The following MYO9A variants were observed in gnomAD, a reference collection of about 807,000 sequenced individuals.
The protein encoded by MYO9A is unconventional myosin-IXa.
MYO9A carries 103 observed loss-of-function variants against 293.3 expected under a neutral mutation model. That is an observed-to-expected ratio of 0.35 (90% CI 0.30 to 0.41). The LOEUF (loss-of-function observed/expected upper bound fraction) is 0.41, where lower values mean the gene tolerates loss of function less well. Ranked by LOEUF, MYO9A falls within the 10% of genes least tolerant of loss-of-function variation. The pLI is 1.00. For synonymous variants in MYO9A, 1,001 were observed against 1,035.7 expected, an observed-to-expected ratio of 0.97 and a Z score of 0.64; for missense variants, 2,685 against 3,033.0, an observed-to-expected ratio of 0.89 and a Z score of 2.69.
intron 1 of MYO9A, among the ~76,000 whole-genome samples, chr15:72,093,165 T>A (rs1307219954): frequency 1.3e-5 from 2 of 152,164 alleles, no homozygotes; most frequent in Admixed American, 1.3e-4. Flanking sequence ...AATAACTGCT[T>A]TCTAAAGTTT....
At chr15:71,849,430 CAAGAGT>C (rs2055537838) in intron 38 of MYO9A, among the ~76,000 whole-genome samples, 2 of 151,896 alleles carry the variant, frequency 1.3e-5, no homozygotes, top group East Asian at 3.9e-4. Context: ...GCCTAGGCGA[CAAGAGT>C]AAAACTCCAT....
At chr15:71,947,283 G>GA (rs33945561) in intron 15 of MYO9A, among the ~76,000 whole-genome samples, 3,212 of 127,852 alleles carry the variant, frequency 0.025, 78 homozygotes, top group East Asian at 0.036. Context: ...TCCATCTCAG[G>GA]AAAAAAAAAA....
Position 71,969,373 on chromosome 15 carries a change from A to C in MYO9A, c.1845-1248T>G, listed in dbSNP as rs1032568544. ...CTATTTCAAACAGAGACAACAGCAC[A>C]GCTCCTATAACAGTCTCACCAATCT... On this transcript the variant is annotated intron_variant, in intron 12 of 41. Transcript: ENST00000356056. Among the ~76,000 whole-genome samples, 3 of 152,372 alleles carry C rather than the reference A, an allele frequency of 2.0e-5. 1 individual carries two copies. The highest frequency in any genetic ancestry group is 6.8e-3 in the Middle Eastern group (2 of 294).
chr15:72,111,566 T>C (rs1423765727), intron 1 of MYO9A, among the ~76,000 whole-genome samples: 1 of 151,724 alleles, frequency 6.6e-6, no homozygotes, highest in Non-Finnish European at 1.5e-5. Context: ...GAGTACCTAC[T>C]ATATGCTTGG....
intron 32 of MYO9A, among the ~76,000 whole-genome samples, chr15:71,875,386 G>A (rs2142247655): frequency 6.6e-6 from 1 of 152,182 alleles, no homozygotes; most frequent in South Asian, 2.1e-4. Flanking sequence ...TTGTGTGATT[G>A]TATATAAACA....
chr15:71,904,158 T>C (rs917068199), intron 20 of MYO9A, 119 bp from the exon 21 acceptor site: 2 of 787,714 alleles, frequency 2.5e-6, no homozygotes, highest in East Asian at 2.7e-5. Flanking sequence ...CTGGTTAACA[T>C]ATACAGTAAC....
intron 12 of MYO9A, among the ~76,000 whole-genome samples, chr15:71,975,108 C>A (rs1256123968): frequency 1.3e-5 from 2 of 152,210 alleles, no homozygotes; most frequent in Non-Finnish European, 2.9e-5. Flanking sequence ...TCTGACAAGA[C>A]TGAAAGGAAG....
chr15:72,086,577 G>T (rs527639623), intron 1 of MYO9A, among the ~76,000 whole-genome samples: 2 of 151,914 alleles, frequency 1.3e-5, no homozygotes, highest in African/African-American at 4.8e-5. Flanking sequence ...ACGTGCACAC[G>T]TGCTGGCGAG....
intron 1 of MYO9A, among the ~76,000 whole-genome samples, chr15:72,066,432 G>C (rs2079024344): frequency 6.7e-6 from 1 of 149,502 alleles, no homozygotes. Context: ...GTTGCAGTGA[G>C]CAGAGATCAC....
chr15:71,885,344 AAAT>A lies in MYO9A; in HGVS notation c.5256-1611_5256-1609del, dbSNP rs1227508165. On this transcript the variant is annotated intron_variant, in intron 27 of 41. Coordinates refer to ENST00000356056, the MANE Select transcript of MYO9A (RefSeq NM_006901.4). ...TCACAGTTGAGGGATGTAATTCCCT[AAAT>A]AATCTACTTTATTCTAGAGGATTTT... Among the ~76,000 whole-genome samples, 3 of 152,266 alleles carry A rather than the reference AAAT, an allele frequency of 2.0e-5. No homozygotes were observed. The East Asian group carries it at 5.8e-4, about 29-fold the overall frequency.
At position 71,978,248 on chromosome 15, in the gene MYO9A, G is replaced by A; in HGVS notation, c.1767C>T (p.Tyr589=). ...TEGISWHNID[Y]IDNTCCINLI... ...GATTTATGCAGCAGGTATTATCAAT[G>A]TAATCTATGTTGTGCCAGCTGATAC... Residue 589 remains tyrosine, a synonymous_variant, in exon 12 of 42, where the codon TAC becomes TAT. Coordinates refer to ENST00000356056, the MANE Select transcript of MYO9A (RefSeq NM_006901.4). 6.2e-7 allele frequency: 1 copy of A among 1,612,418 alleles called. No homozygotes were observed. The highest frequency in any genetic ancestry group is 8.5e-7 in the Non-Finnish European group (1 of 1,179,044).
intron 6 of MYO9A, among the ~76,000 whole-genome samples, chr15:72,013,515 G>A (rs1257237501): frequency 1.3e-5 from 2 of 152,214 alleles, no homozygotes; most frequent in Non-Finnish European, 2.9e-5. Context: ...TCCACTGAAA[G>A]AACATAGGCA....
chr15:71,966,684 C>T (rs1216758436), intron 13 of MYO9A, among the ~76,000 whole-genome samples: 1 of 152,162 alleles, frequency 6.6e-6, no homozygotes, highest in African/African-American at 2.4e-5. Flanking sequence ...CCAACCTCTA[C>T]TGCCACTCCA....
At chr15:72,023,560 T>TATTACA (rs2077567750) in intron 4 of MYO9A, among the ~76,000 whole-genome samples, 1 of 151,810 alleles carries the variant, frequency 6.6e-6, no homozygotes, top group Non-Finnish European at 1.5e-5. Flanking sequence ...CTGGGCATGG[T>TATTACA]GGCAGGCACC....
chr15:71,897,171 G>C, intron 25 of MYO9A: 1 of 293,040 alleles, frequency 3.4e-6, no homozygotes, highest in Non-Finnish European at 6.4e-6. Flanking sequence ...AGTATTCGGT[G>C]AATGCCTACT....
chr15:72,053,288 C>T (rs2078624817), intron 1 of MYO9A, among the ~76,000 whole-genome samples: 2 of 151,996 alleles, frequency 1.3e-5, no homozygotes, highest in Admixed American at 1.3e-4. Flanking sequence ...TGCCTGTAAT[C>T]CCAGCTACTC....
In MYO9A at chr15:71,898,536, C is replaced by A; in HGVS notation, c.3967G>T (p.Asp1323Tyr). The change falls in exon 25 of 42, where the codon GAT (aspartate) becomes TAT (tyrosine). Residue 1323 changes from aspartate to tyrosine, a missense_variant. Around this residue, in one of 10 missense-constraint regions of MYO9A, gnomAD observed 1,434 missense variants for 1,497.7 expected, o/e 0.96. Transcript: ENST00000356056. Reference protein sequence around the residue: ...EGLQSPRGTPDSESSQGSLEL... With the variant: ...EGLQSPRGTPYSESSQGSLEL... ...AAGCTTCCTTGAGAGCTCTCACTAT[C>A]AGGTGTACCCCGTGGAGACTGAAGG... is the stretch of plus-strand genomic sequence containing the variant. 6.2e-7 allele frequency: 1 copy of A among 1,614,048 alleles called. No individual in the cohort carries two copies.
intron 18 of MYO9A, among the ~76,000 whole-genome samples, chr15:71,928,872 AAC>A (rs1355112359): frequency 6.6e-6 from 1 of 150,812 alleles, no homozygotes; most frequent in South Asian, 2.1e-4. Context: ...CAGCCTGGGC[AAC>A]ACAGAGAAAG....
intron 25 of MYO9A, among the ~76,000 whole-genome samples, chr15:71,895,318 A>C (rs577911963): frequency 6.6e-6 from 1 of 152,214 alleles, no homozygotes; most frequent in Admixed American, 6.5e-5. Flanking sequence ...TAACCTTTTA[A>C]CTCACAACAT....
Sources: gnomAD v4.1 joint callset for allele counts (sites outside exome capture counted in the v4.1 genomes callset) on GRCh38, gnomAD v4.1.1 for gene constraint, gnomAD v4.1.1 regional missense constraint, MANE v1.5 for transcripts, NCBI Gene and HGNC (gene_info 2026-07-23, HGNC 2026-07-21) for gene names.